TAAR1: variants seen among roughly 807,000 people sequenced by gnomAD.
TAAR1 encodes the protein trace amine-associated receptor 1.
A neutral mutation model predicts 1.2 loss-of-function variants in TAAR1; 1 was observed. The observed-to-expected ratio is 0.81, with a 90% CI of 0.29 to 3.86. The LOEUF (loss-of-function observed/expected upper bound fraction) is 3.86. TAAR1 is among the 30% of genes most tolerant of loss of function. TAAR1 has a pLI of 0.18. For synonymous variants in TAAR1, 153 were observed against 132.2 expected (o/e 1.16, Z -1.08); for missense variants, 445 against 405.6 (o/e 1.10, Z -0.83).
At chr6:132,647,414 CAT>C (rs1337325586) in intron 1 of TAAR1, among the ~76,000 whole-genome samples, 4 of 141,256 alleles carry the variant, frequency 2.8e-5, no homozygotes, top group African/African-American at 1.1e-4. Flanking sequence ...CATACACAGA[CAT>C]GTACATATAT....
rs1468224178 is a variant in TAAR1 at position 132,647,615 on chromosome 6, AAGAAAAAGG to A, written c.-126-1495_-126-1487del. 7.6e-5 allele frequency among the ~76,000 whole-genome samples: 10 copies of A among 131,908 alleles called. 1 individual carries two copies. Among genetic ancestry groups the A allele is most frequent in the South Asian group, 5.4e-4 (2 of 3,694 alleles). 86.5% of individuals were successfully genotyped at this position (131,908 alleles called of 152,430 possible). ...AAGAAAGAGAAAGAAAAAAGAAAGAAAGAAAAAGGAAAGAAAGAAAGAAAGAAAGAAAGA... is the reference window on the plus strand; with the variant it reads ...AAGAAAGAGAAAGAAAAAAGAAAGAAAAAGAAAGAAAGAAAGAAAGAAAGA... On this transcript the variant is annotated intron_variant, in intron 1 of 1. Transcript: ENST00000275216.
chr6:132,651,840 T>C (rs1252132673), intron 1 of TAAR1, among the ~76,000 whole-genome samples: 1 of 152,160 alleles, frequency 6.6e-6, no homozygotes, highest in Non-Finnish European at 1.5e-5. Context: ...ATAAAAAATA[T>C]GCCCAGAGCC....
rs1330274615 is a variant in TAAR1, at chr6:132,645,918, A to G, written c.86T>C (p.Leu29Ser). 6.2e-7 allele frequency: 1 copy of G among 1,613,806 alleles called. No individual in the cohort carries two copies. Among genetic ancestry groups the G allele is most frequent in the South Asian group, 1.1e-5 (1 of 91,078 alleles). The change falls in exon 2 of 2, where the codon TTA becomes TCA. Residue 29 changes from leucine to serine, a missense_variant. Transcript: ENST00000275216. Reference sequence around the variant, plus strand: ...TGTGGTCAGAATTATGAGCACCATTAAACTGTACAGGGAAGCACGGACATC... The same window carrying G: ...TGTGGTCAGAATTATGAGCACCATTGAACTGTACAGGGAAGCACGGACATC... ...SNDVRASLYSLMVLIILTTLV... is the reference protein window; with the variant it reads ...SNDVRASLYSSMVLIILTTLV...
At chr6:132,646,346 T>C (rs1013562012) in intron 1 of TAAR1, among the ~76,000 whole-genome samples, 1 of 152,288 alleles carries the variant, frequency 6.6e-6, no homozygotes, top group South Asian at 2.1e-4. Flanking sequence ...TTGAACTATA[T>C]GAAACTGCCA....
chr6:132,647,362 G>A (rs1777684641), intron 1 of TAAR1, among the ~76,000 whole-genome samples: 1 of 140,580 alleles, frequency 7.1e-6, no homozygotes, highest in Non-Finnish European at 1.5e-5. Context: ...ACATACGCAT[G>A]CACACACACA....
At chr6:132,657,397 T>TA (rs1442323568) in intron 1 of TAAR1, among the ~76,000 whole-genome samples, 1 of 151,840 alleles carries the variant, frequency 6.6e-6, no homozygotes, top group Admixed American at 6.6e-5. Context: ...TATATATATA[T>TA]ATATCAGTAG....
intron 1 of TAAR1, among the ~76,000 whole-genome samples, chr6:132,653,802 A>T (rs1777773233): frequency 6.6e-6 from 1 of 152,252 alleles, no homozygotes; most frequent in South Asian, 2.1e-4. Context: ...ATGAACCCAC[A>T]GAAACCATCA....
chr6:132,647,610 AAAG>A (rs1777692080), intron 1 of TAAR1, among the ~76,000 whole-genome samples: 1 of 133,400 alleles, frequency 7.5e-6, no homozygotes, highest in Non-Finnish European at 1.6e-5. Context: ...AAGAAAAAAG[AAAG>A]AAAGAAAAAG....
At position 132,645,056 on chromosome 6, in the gene TAAR1, C is replaced by A; in HGVS notation, c.948G>T (p.Lys316Asn). The A allele has an allele frequency of 6.2e-7, 1 of 1,605,148 alleles. No homozygotes were observed. The highest frequency in any genetic ancestry group is 1.7e-5 in the Admixed American group (1 of 57,634). ...FFYPWFRKAL[K>N]MMLFGKIFQK... ...GGAAAATTTTACCAAACAGCATCAT[C>A]TTCAGTGCTTTTCTAAACCAAGGAT... Residue 316 changes from lysine (K) to asparagine (N), a missense_variant, in exon 2 of 2, where the codon AAG becomes AAT. By Grantham distance (94) the Lys-to-Asn change is moderately conservative. Transcript: ENST00000275216.
chr6:132,654,989 C>G (rs1777788223), intron 1 of TAAR1, among the ~76,000 whole-genome samples: 1 of 152,190 alleles, frequency 6.6e-6, no homozygotes, highest in African/African-American at 2.4e-5. Flanking sequence ...AAAACTTCCT[C>G]CTGACATCCT....
rs1452842402 is a variant in TAAR1 at position 132,644,422 on chromosome 6, C to A, written c.*562G>T. Among the ~76,000 whole-genome samples the A allele has an allele frequency of 6.6e-6, 1 of 150,854 alleles. No homozygotes were observed. Among genetic ancestry groups the A allele is most frequent in the Non-Finnish European group, 1.5e-5 (1 of 67,618 alleles). ...ATATTTTCCTTTATTTTTCAAATTT[C>A]TTAGAAGCATGAGAATCAGAAAAAC... On this transcript the variant is annotated 3_prime_UTR_variant, in exon 2 of 2. Transcript: ENST00000275216.
At position 132,644,409 on chromosome 6, in the gene TAAR1, AT is replaced by A. The variant is rs1160754326; in HGVS notation, c.*574del. On this transcript the variant is annotated 3_prime_UTR_variant, in exon 2 of 2. Coordinates refer to ENST00000275216, the MANE Select transcript of TAAR1 (RefSeq NM_138327.4). Reference sequence around the variant, plus strand: ...ATATTTTATTTTTATATTTTCCTTTATTTTTCAAATTTCTTAGAAGCATGAG... The same window carrying A: ...ATATTTTATTTTTATATTTTCCTTTATTTTCAAATTTCTTAGAAGCATGAG... 2.6e-5 allele frequency among the ~76,000 whole-genome samples: 4 copies of A among 151,652 alleles called. No homozygotes were observed. Among genetic ancestry groups the A allele is most frequent in the African/African-American group, 7.3e-5 (3 of 41,324 alleles).
intron 1 of TAAR1, among the ~76,000 whole-genome samples, chr6:132,654,748 AG>A (rs1283899867): frequency 6.6e-6 from 1 of 152,210 alleles, no homozygotes; most frequent in Non-Finnish European, 1.5e-5. Flanking sequence ...CCTTTGAGAA[AG>A]GTATAAGAAT....
At chr6:132,647,343 T>TAC (rs1343460956) in intron 1 of TAAR1, among the ~76,000 whole-genome samples, 1 of 130,646 alleles carries the variant, frequency 7.7e-6, no homozygotes, top group Non-Finnish European at 1.6e-5. Flanking sequence ...AACTTGGACT[T>TAC]ACACACACAC....
chr6:132,644,954 C>T lies in TAAR1; in HGVS notation c.*30G>A, dbSNP rs115145121. 1,372 of 1,479,918 alleles carry T rather than the reference C, an allele frequency of 9.3e-4. 12 individuals are homozygous for T. The African/African-American group carries it at 0.016, about 17-fold the overall frequency. The allele number at this position is 1,479,918 out of a possible 1,614,324, so 91.7% of individuals were successfully genotyped here. A position where few individuals can be genotyped will look rare whatever the true frequency, so the allele number is the denominator to read the frequency against. On this transcript the variant is annotated 3_prime_UTR_variant, in exon 2 of 2. Transcript: ENST00000275216. ...TGTGTTCATAAATATGATCATCAAC[C>T]GATTTGCAAAACAGTAAAATATAAT... is the stretch of plus-strand genomic sequence containing the variant.
chr6:132,654,886 G>A (rs1294603326), intron 1 of TAAR1, among the ~76,000 whole-genome samples: 1 of 152,132 alleles, frequency 6.6e-6, no homozygotes, highest in Non-Finnish European at 1.5e-5. Flanking sequence ...TATAGTTGAT[G>A]AAAAGATACA....
intron 1 of TAAR1, among the ~76,000 whole-genome samples, chr6:132,653,431 A>G (rs1465123558): frequency 6.6e-6 from 1 of 152,088 alleles, no homozygotes; most frequent in East Asian, 1.9e-4. Context: ...CACTATCTCA[A>G]TGCCTGGTCG....
At position 132,643,549 on chromosome 6, in the gene TAAR1, T is replaced by C. The variant is rs1186131401; in HGVS notation, c.*1435A>G. On this transcript the variant is annotated 3_prime_UTR_variant, in exon 2 of 2. Transcript: ENST00000275216. ...CAAAATATATACTCCAGAAACAGACTATAATTTCTGGAAGGATTTCACATA... is the reference window on the plus strand; with the variant it reads ...CAAAATATATACTCCAGAAACAGACCATAATTTCTGGAAGGATTTCACATA... Among the ~76,000 whole-genome samples, 1 of 152,012 alleles carries C rather than the reference T, an allele frequency of 6.6e-6. No homozygotes were observed. The highest frequency in any genetic ancestry group is 6.6e-5 in the Admixed American group (1 of 15,228).
At chr6:132,651,549 T>C (rs898479009) in intron 1 of TAAR1, among the ~76,000 whole-genome samples, 1 of 152,196 alleles carries the variant, frequency 6.6e-6, no homozygotes, top group African/African-American at 2.4e-5. Flanking sequence ...CTCAACAACA[T>C]ATCCAATTCA....
Sources: allele counts gnomAD v4.1 joint callset (sites outside exome capture counted in the v4.1 genomes callset), GRCh38; gene constraint gnomAD v4.1.1; transcripts MANE v1.5; gene names NCBI Gene and HGNC (gene_info 2026-07-23, HGNC 2026-07-21).